GTF3C2: variants seen among roughly 807,000 people sequenced by gnomAD.
The protein encoded by GTF3C2 is general transcription factor IIIC subunit 2.
A neutral mutation model predicts 117.4 loss-of-function variants in GTF3C2; 17 were observed. That is an observed-to-expected ratio of 0.14 (90% CI 0.10 to 0.22). The LOEUF is 0.22. Ranked by LOEUF, GTF3C2 falls within the 10% of genes least tolerant of loss-of-function variation. The probability of loss-of-function intolerance (pLI) is 1.00; values close to 1 mark genes in which losing one functional copy is unlikely to be tolerated. For missense variants in GTF3C2, 888 were observed against 1,143.6 expected (o/e 0.78, Z 3.22); for synonymous variants, 437 against 427.0 (o/e 1.02, Z -0.29).
intron 15 of GTF3C2, 38 bp downstream of exon 15, chr2:27,328,805 TC>T: frequency 6.9e-7 from 1 of 1,454,022 alleles, no homozygotes; most frequent in Non-Finnish European, 9.6e-7. Flanking sequence ...TGAGCCATTT[TC>T]CTTTGTAATG....
intron 1 of GTF3C2, among the ~76,000 whole-genome samples, chr2:27,347,231 C>A (rs1680949267): frequency 6.6e-6 from 1 of 152,064 alleles, no homozygotes; most frequent in African/African-American, 2.4e-5. Context: ...TGGGACCCCG[C>A]CCCCCACAGA....
intron 9 of GTF3C2, 48 bp downstream of exon 9, chr2:27,335,869 G>C (rs1680450836): frequency 7.6e-7 from 1 of 1,318,446 alleles, no homozygotes; most frequent in African/African-American, 1.5e-5. Context: ...GGGCCTCTTT[G>C]TCCTGGCTTT....
In GTF3C2 at chr2:27,329,565, T is replaced by A; in HGVS notation, c.1733-42A>T. 6.2e-7 allele frequency: 1 copy of A among 1,601,098 alleles called. No individual in the cohort carries two copies. Among genetic ancestry groups the A allele is most frequent in the Non-Finnish European group, 8.5e-7 (1 of 1,170,256 alleles). The stretch of plus-strand genomic sequence containing the variant: ...ATGTGTGAGCATTAAAAGCAAGTTC[T>A]CTCTTCCTTGCTCTAATTTCTTTCT... On this transcript the variant is annotated intron_variant, in intron 12 of 18. Transcript: ENST00000264720. This position sits in a 1 kb window ranked among gnomAD's most constrained non-coding sequence, Gnocchi z 4.5.
At chr2:27,326,478 C>G (rs1486336918) in exon 19 of GTF3C2, 3 of 597,492 alleles carry the variant, frequency 5.0e-6, no homozygotes, top group Admixed American at 3.0e-5. Context: ...GGAGGGAGAG[C>G]CCCCCTGCCC....
At chr2:27,336,094 C>T in intron 8 of GTF3C2, 66 bp from the exon 9 acceptor site, 2 of 1,381,674 alleles carry the variant, frequency 1.4e-6, no homozygotes, top group Non-Finnish European at 2.1e-6. Context: ...CAGAGGTAAG[C>T]TCCCCTTGTC....
intron 5 of GTF3C2, 145 bp downstream of exon 5, chr2:27,337,781 T>A: frequency 1.4e-6 from 1 of 716,086 alleles, no homozygotes; most frequent in East Asian, 2.4e-5. Context: ...AGCTCTTGCC[T>A]CTAGAGCAGT....
chr2:27,333,470 C>CT, intron 12 of GTF3C2, 185 bp downstream of exon 12: 1 of 554,016 alleles, frequency 1.8e-6, no homozygotes, highest in South Asian at 2.3e-5. Flanking sequence ...TCTATGTACT[C>CT]TTAATTTTTT....
exon 8 of GTF3C2, chr2:27,336,297 G>C (rs765758731): frequency 6.2e-7 from 1 of 1,614,068 alleles, no homozygotes; most frequent in Non-Finnish European, 8.5e-7. Context: ...GTCAGGGCTG[G>C]AGAAAAGAGC....
intron 1 of GTF3C2, among the ~76,000 whole-genome samples, chr2:27,354,171 T>A (rs941051007): frequency 8.6e-5 from 13 of 151,638 alleles, no homozygotes; most frequent in African/African-American, 3.2e-4. Flanking sequence ...TAGCTCTAGC[T>A]ATTCGAGAGG....
At chr2:27,336,948 T>C (rs1226093591) in intron 7 of GTF3C2, among the ~76,000 whole-genome samples, 1 of 152,160 alleles carries the variant, frequency 6.6e-6, no homozygotes, top group Non-Finnish European at 1.5e-5. Flanking sequence ...TTCAGGGCTG[T>C]TCATTCTGGC....
At position 27,340,892 on chromosome 2, in the gene GTF3C2, C is replaced by CT. The variant is rs557642231; in HGVS notation, c.855+1055dup. The CT allele has an allele frequency of 6.8e-3, 1,040 of 152,124 alleles. 10 individuals are homozygous for CT. Among genetic ancestry groups the CT allele is most frequent in the South Asian group, 0.015 (71 of 4,820 alleles). 9.4% of individuals were successfully genotyped at this position (152,124 alleles called of 1,614,324 possible). ...CCACCCACCTTGGCCTCCCAAAGTG[C>CT]TGGGATTACAGGCGTGAGCCACCGC... On this transcript the variant is annotated intron_variant, in intron 4 of 18. Coordinates refer to ENST00000264720, the Ensembl canonical transcript of GTF3C2.
intron 7 of GTF3C2, among the ~76,000 whole-genome samples, chr2:27,336,933 T>G (rs1050413447): frequency 8.5e-5 from 13 of 152,200 alleles, no homozygotes; most frequent in Non-Finnish European, 1.8e-4. Context: ...TAACTCCAGC[T>G]CATCTTCAGG....
At chr2:27,337,866 C>A in intron 5 of GTF3C2, 60 bp downstream of exon 5, 1 of 960,602 alleles carries the variant, frequency 1.0e-6, no homozygotes, top group Non-Finnish European at 1.7e-6. Context: ...ACTTCAATAC[C>A]GCCCTTGCAC....
At chr2:27,328,662 G>A in intron 15 of GTF3C2, 66 bp from the exon 16 acceptor site, 1 of 1,362,836 alleles carries the variant, frequency 7.3e-7, no homozygotes, top group Non-Finnish European at 1.0e-6. Flanking sequence ...GGTAACAGCT[G>A]CACAGTCTGA....
exon 4 of GTF3C2, chr2:27,342,054 A>T (rs753193125): frequency 1.9e-6 from 3 of 1,614,070 alleles, no homozygotes; most frequent in Non-Finnish European, 2.5e-6. Context: ...CTCAACCTGG[A>T]GAAAAAAGTC....
chr2:27,337,607 C>T (rs1680537835), intron 5 of GTF3C2, 49 bp from the exon 6 acceptor site: 1 of 1,240,780 alleles, frequency 8.1e-7, no homozygotes, highest in Admixed American at 1.7e-5. Context: ...TCTACAGCCG[C>T]ACAGTCCAAT....
intron 1 of GTF3C2, among the ~76,000 whole-genome samples, chr2:27,351,748 C>A (rs113045916): frequency 1.7e-3 from 262 of 152,294 alleles, no homozygotes; most frequent in Non-Finnish European, 3.2e-3. Flanking sequence ...AATGAAATTT[C>A]TCACTTTCCA....
In GTF3C2 at chr2:27,329,117, G is replaced by A. The variant is rs773034060; in HGVS notation, c.2039+4C>T. 1.7e-5 allele frequency: 27 copies of A among 1,613,636 alleles called. No individual in the cohort carries two copies. Among genetic ancestry groups the A allele is most frequent in the East Asian group, 1.3e-4 (6 of 44,900 alleles). Reference sequence around the variant, plus strand: ...CTAGAGGTCCTATCTCCATCTTGCCGTACGAGGCATAGCAGTTGTCCTGAG... The same window carrying A: ...CTAGAGGTCCTATCTCCATCTTGCCATACGAGGCATAGCAGTTGTCCTGAG... On this transcript the variant is annotated splice_donor_region_variant and intron_variant, in intron 14 of 18. Transcript: ENST00000264720. The surrounding 1 kb of genome is among the most constrained non-coding windows in gnomAD (Gnocchi z 4.5).
At chr2:27,336,129 CT>C (rs1292572896) in intron 8 of GTF3C2, 68 bp downstream of exon 8, 12 of 1,425,482 alleles carry the variant, frequency 8.4e-6, no homozygotes, top group East Asian at 2.3e-5. Flanking sequence ...GCCCTTCCCC[CT>C]ATCCTGTCCA....
Sources: allele counts gnomAD v4.1 joint callset (sites outside exome capture counted in the v4.1 genomes callset), GRCh38; gene constraint gnomAD v4.1.1; non-coding constraint Gnocchi (gnomAD v3.1); transcripts MANE v1.5; gene names NCBI Gene and HGNC (gene_info 2026-07-23, HGNC 2026-07-21).